CDH12: variants seen among roughly 807,000 people sequenced by gnomAD.
CDH12 encodes the protein cadherin-12.
A neutral mutation model predicts 74.1 loss-of-function variants in CDH12; 41 were observed. The ratio of observed to expected loss-of-function variants is 0.55; its 90% CI spans 0.43 to 0.72. CDH12 has a LOEUF of 0.72. Among genes scored for constraint, CDH12 ranks in the 30% least tolerant of loss-of-function variants. The pLI is 0.00. For missense variants in CDH12, 945 were observed against 977.2 expected (o/e 0.97, Z 0.44); for synonymous variants, 399 against 355.0 (o/e 1.12, Z -1.39).
chr5:21,936,879 C>T (rs1755096942), intron 6 of CDH12, among the ~76,000 whole-genome samples: 1 of 152,140 alleles, frequency 6.6e-6, no homozygotes. Flanking sequence ...CAGTGTAAGA[C>T]TTGCCTTGCT....
chr5:22,316,012 AAGT>A (rs142604426), intron 3 of CDH12, among the ~76,000 whole-genome samples: 6,432 of 152,112 alleles, frequency 0.042, 461 homozygotes, highest in African/African-American at 0.15. Context: ...CCTCTCTTCT[AAGT>A]AGGAATAAAA....
At chr5:22,445,171 A>C (rs2126549584) in intron 2 of CDH12, among the ~76,000 whole-genome samples, 1 of 152,216 alleles carries the variant, frequency 6.6e-6, no homozygotes, top group East Asian at 1.9e-4. Context: ...AAACCAATTT[A>C]TAGGAAACAC....
At chr5:22,775,757 T>A (rs1409926320) in intron 1 of CDH12, among the ~76,000 whole-genome samples, 1 of 152,112 alleles carries the variant, frequency 6.6e-6, no homozygotes, top group African/African-American at 2.4e-5. Context: ...ATGGTCTCAT[T>A]ATTCTTCATA....
chr5:22,513,493 C>T (rs1470914850), intron 1 of CDH12, among the ~76,000 whole-genome samples: 1 of 152,182 alleles, frequency 6.6e-6, no homozygotes. Context: ...AGCTTTCTAA[C>T]TTCAGATTCT....
chr5:22,470,667 G>A (rs4605749), intron 2 of CDH12, among the ~76,000 whole-genome samples: 2 of 151,758 alleles, frequency 1.3e-5, no homozygotes, highest in South Asian at 2.1e-4. Context: ...GTGCTCTTAC[G>A]TAAGCCTCCC....
chr5:22,520,893 C>T lies in CDH12; in HGVS notation c.-522-15529G>A, dbSNP rs141062464. On this transcript the variant is annotated intron_variant, in intron 1 of 14. Transcript: ENST00000382254. ...ACGTAAGTATATTGCACGTGGTTTCCGTTAGTTATTTATTATGAATCCTCT... is the reference window on the plus strand; with the variant it reads ...ACGTAAGTATATTGCACGTGGTTTCTGTTAGTTATTTATTATGAATCCTCT... Among the ~76,000 whole-genome samples, 400 of 152,048 alleles carry T rather than the reference C, an allele frequency of 2.6e-3. 5 individuals carry two copies. Among genetic ancestry groups the T allele is most frequent in the African/African-American group, 8.9e-3 (368 of 41,510 alleles).
chr5:22,378,629 A>C (rs1479991573), intron 3 of CDH12, among the ~76,000 whole-genome samples: 1 of 152,088 alleles, frequency 6.6e-6, no homozygotes, highest in African/African-American at 2.4e-5. Context: ...TTATACTTGA[A>C]CATTTATTGC....
At chr5:22,726,649 C>A (rs1452302258) in intron 1 of CDH12, among the ~76,000 whole-genome samples, 1 of 151,670 alleles carries the variant, frequency 6.6e-6, no homozygotes. Flanking sequence ...ATATTTTGGC[C>A]ATTGTTATAA....
chr5:21,873,874 G>GGTATTTGGTTTTCTGCACCTGC, intron 6 of CDH12, among the ~76,000 whole-genome samples: 1 of 151,624 alleles, frequency 6.6e-6, no homozygotes, highest in South Asian at 2.1e-4. Context: ...GAGAACATGC[G>GGTATTTGGTTTTCTGCACCTGC]GTTACTTTTC....
chr5:22,403,292 C>G lies in CDH12; in HGVS notation c.-333+1965G>C, dbSNP rs1369171638. 3.3e-5 allele frequency among the ~76,000 whole-genome samples: 5 copies of G among 152,160 alleles called. No individual in the cohort carries two copies. In the East Asian group the frequency reaches 9.7e-4, roughly 29 times the overall value. On this transcript the variant is annotated intron_variant, in intron 3 of 14. Coordinates refer to ENST00000382254, the MANE Select transcript of CDH12 (RefSeq NM_004061.5). ...ATATTCACTTTACATGTGGGTGCAA[C>G]AACCCTTGAGAAGTCTAAATAACAT...
At chr5:22,388,876 G>A (rs1454579093) in intron 3 of CDH12, among the ~76,000 whole-genome samples, 1 of 151,988 alleles carries the variant, frequency 6.6e-6, no homozygotes, top group Non-Finnish European at 1.5e-5. Flanking sequence ...ATAGCTGAAC[G>A]TCTTATATTC....
chr5:22,375,764 A>G (rs1432425475), intron 3 of CDH12, among the ~76,000 whole-genome samples: 4 of 152,178 alleles, frequency 2.6e-5, no homozygotes, highest in Admixed American at 2.6e-4. Flanking sequence ...CACCAGTAAG[A>G]ATGGCTATTA....
chr5:21,865,637 TGACCCACC>T (rs1409667319), intron 6 of CDH12, among the ~76,000 whole-genome samples: 3 of 152,136 alleles, frequency 2.0e-5, no homozygotes, highest in East Asian at 3.9e-4. Context: ...AGGGGAGCTT[TGACCCACC>T]ACTCAGGAAG....
intron 1 of CDH12, among the ~76,000 whole-genome samples, chr5:22,746,655 T>C (rs1745311884): frequency 6.6e-6 from 1 of 152,206 alleles, no homozygotes. Context: ...ATAACAGCCA[T>C]AAGTATTACA....
intron 9 of CDH12, among the ~76,000 whole-genome samples, chr5:21,806,466 C>T (rs1747431508): frequency 6.6e-6 from 1 of 152,138 alleles, no homozygotes; most frequent in Non-Finnish European, 1.5e-5. Context: ...TTCTCCCTCT[C>T]ATAACCTTTC....
At chr5:22,023,045 C>A (rs1738092427) in intron 5 of CDH12, among the ~76,000 whole-genome samples, 2 of 152,124 alleles carry the variant, frequency 1.3e-5, no homozygotes, top group Non-Finnish European at 1.5e-5. Context: ...CCCATTAACT[C>A]TTTAGTAACT....
chr5:22,386,607 G>A (rs181467567), intron 3 of CDH12, among the ~76,000 whole-genome samples: 1 of 151,636 alleles, frequency 6.6e-6, no homozygotes, highest in African/African-American at 2.4e-5. Flanking sequence ...ATTATTCTTA[G>A]TTTCCTGCTA....
In CDH12 at chr5:21,922,593, T is replaced by C. The variant is rs114652659; in HGVS notation, c.526+52498A>G. Among the ~76,000 whole-genome samples the C allele has an allele frequency of 7.4e-3, 1,124 of 152,228 alleles. 18 individuals carry two copies. Among genetic ancestry groups the C allele is most frequent in the African/African-American group, 0.026 (1,067 of 41,566 alleles). ...GTAAAGGTAGATGATACGAACATAA[T>C]TCAAATTGAATAATATCATCTACAA... is the stretch of plus-strand genomic sequence containing the variant. On this transcript the variant is annotated intron_variant, in intron 6 of 14. Coordinates refer to ENST00000382254, the MANE Select transcript of CDH12 (RefSeq NM_004061.5).
chr5:22,640,056 A>G (rs1739065801), intron 1 of CDH12, among the ~76,000 whole-genome samples: 1 of 152,210 alleles, frequency 6.6e-6, no homozygotes, highest in Admixed American at 6.5e-5. Context: ...AAAAATAAAC[A>G]ATAAAGAAAG....
Sources: gnomAD v4.1 joint callset for allele counts (sites outside exome capture counted in the v4.1 genomes callset) on GRCh38, gnomAD v4.1.1 for gene constraint, MANE v1.5 for transcripts, NCBI Gene and HGNC (gene_info 2026-07-23, HGNC 2026-07-21) for gene names.